Variants in CCT7 observed in about 807,000 individuals in gnomAD.
CCT7 encodes the protein chaperonin containing TCP1 subunit 7, also known as T-complex protein 1 subunit eta.
CCT7 carries 16 observed loss-of-function variants against 56.6 expected under a neutral mutation model. The ratio of observed to expected loss-of-function variants is 0.28; its 90% CI spans 0.19 to 0.43. The LOEUF (loss-of-function observed/expected upper bound fraction) is 0.43, where lower values mean the gene tolerates loss of function less well. Ranked by LOEUF, CCT7 falls within the 20% of genes least tolerant of loss-of-function variation. CCT7 has a pLI of 1.00. For synonymous variants in CCT7, 262 were observed against 254.8 expected (o/e 1.03, Z -0.27); for missense variants, 519 against 685.6 (o/e 0.76, Z 2.71).
At position 73,247,815 on chromosome 2, in the gene CCT7, G is replaced by A. The variant is rs1011407575; in HGVS notation, c.672G>A (p.Gly224=). 2 of 1,614,006 alleles carry A rather than the reference G, an allele frequency of 1.2e-6. No homozygotes were observed. The highest frequency in any genetic ancestry group is 1.7e-6 in the Non-Finnish European group (2 of 1,180,004). The change falls in exon 7 of 12, where the codon GGG becomes GGA. Residue 224 remains glycine, a synonymous_variant. Transcript: ENST00000258091. Reference sequence around the variant, plus strand: ...TCAAGAAGACTTTCTCTTACGCTGGGTTTGAAATGCAACCCAAAAAGTACC... The same window carrying A: ...TCAAGAAGACTTTCTCTTACGCTGGATTTGAAATGCAACCCAAAAAGTACC... ...VAFKKTFSYA[G]FEMQPKKYHN...
At position 73,240,771 on chromosome 2, in the gene CCT7, T is replaced by C. The variant is rs575143245; in HGVS notation, c.267+228T>C. ...GGTGAATGACAACAGTCTTTAGATA[T>C]AAGTCTACTGCCTGAGATCTTAACA... On this transcript the variant is annotated intron_variant, in intron 3 of 11. Coordinates refer to ENST00000258091, the MANE Select transcript of CCT7 (RefSeq NM_006429.4). 2.0e-4 allele frequency among the ~76,000 whole-genome samples: 30 copies of C among 152,350 alleles called. 1 individual carries two copies. The highest frequency in any genetic ancestry group is 1.5e-3 in the Admixed American group (23 of 15,308).
At chr2:73,234,488 C>G (rs1453702918) in intron 1 of CCT7, 104 bp downstream of exon 1, 4 of 1,339,134 alleles carry the variant, frequency 3.0e-6, no homozygotes, top group South Asian at 1.2e-5. Flanking sequence ...TGCTTGCCGC[C>G]TCTGTCCTCG....
chr2:73,237,932 C>T (rs982014325), intron 1 of CCT7, among the ~76,000 whole-genome samples: 1 of 151,966 alleles, frequency 6.6e-6, no homozygotes, highest in African/African-American at 2.4e-5. Flanking sequence ...TCATGCATTG[C>T]GGTCCAGCTA....
At chr2:73,247,566 T>C (rs998536191) in intron 6 of CCT7, among the ~76,000 whole-genome samples, 196 bp from the exon 7 acceptor site, 10 of 150,268 alleles carry the variant, frequency 6.7e-5, no homozygotes, top group African/African-American at 2.5e-4. Flanking sequence ...TGAAATAATA[T>C]GTTGTGTTAT....
chr2:73,235,042 G>A (rs1042950060), intron 1 of CCT7, among the ~76,000 whole-genome samples: 1 of 152,190 alleles, frequency 6.6e-6, no homozygotes, highest in Non-Finnish European at 1.5e-5. Context: ...AAAGGTAGAT[G>A]GAGACACTGT....
At chr2:73,237,990 C>G (rs1686951830) in intron 1 of CCT7, among the ~76,000 whole-genome samples, 2 of 152,070 alleles carry the variant, frequency 1.3e-5, no homozygotes, top group South Asian at 4.2e-4. Flanking sequence ...CCACTGCACT[C>G]CAGCATGGGT....
intron 11 of CCT7, 22 bp downstream of exon 11, chr2:73,251,454 G>GT: frequency 6.6e-7 from 1 of 1,524,522 alleles, no homozygotes; most frequent in Non-Finnish European, 9.0e-7. Flanking sequence ...CTCTCCCCAG[G>GT]GTTCAGGGTT....
intron 6 of CCT7, among the ~76,000 whole-genome samples, chr2:73,245,957 G>A (rs752743325): frequency 6.6e-6 from 1 of 152,092 alleles, no homozygotes; most frequent in African/African-American, 2.4e-5. Context: ...TTCCATAAAT[G>A]GTTGAGATTA....
At position 73,247,861 on chromosome 2, in the gene CCT7, T is replaced by C; in HGVS notation, c.718T>C (p.Leu240=). Reference sequence around the variant, plus strand: ...GTACCACAATCCCAAGATTGCCCTTTTGAATGTCGAGCTCGAGTTGAAAGC... The same window carrying C: ...GTACCACAATCCCAAGATTGCCCTTCTGAATGTCGAGCTCGAGTTGAAAGC... ...KKYHNPKIAL[L]NVELELKAEK... Residue 240 remains leucine (L), a synonymous_variant, in exon 7 of 12, where the codon TTG becomes CTG. Coordinates refer to ENST00000258091, the MANE Select transcript of CCT7 (RefSeq NM_006429.4). 6.2e-7 allele frequency: 1 copy of C among 1,614,168 alleles called. No homozygotes were observed. Among genetic ancestry groups the C allele is most frequent in the Non-Finnish European group, 8.5e-7 (1 of 1,180,020 alleles).
chr2:73,249,732 G>A (rs1174171660), intron 8 of CCT7, 87 bp from the exon 9 acceptor site: 7 of 864,336 alleles, frequency 8.1e-6, no homozygotes, highest in Non-Finnish European at 1.2e-5. Context: ...GGGGGCATGC[G>A]TGGGAATTGG....
chr2:73,239,554 A>G, intron 1 of CCT7, 89 bp from the exon 2 acceptor site: 1 of 1,201,066 alleles, frequency 8.3e-7, no homozygotes, highest in Non-Finnish European at 1.2e-6. Flanking sequence ...AATTCTGTTA[A>G]GGGAGAGATG....
In CCT7 at chr2:73,234,422, C is replaced by T. The variant is rs778919729; in HGVS notation, c.6+38C>T. ...TCGCGCATCCGTCGCCATCAGCTGC[C>T]ATCTGGCCGGTGGCCGGCGCCGCTC... On this transcript the variant is annotated intron_variant, in intron 1 of 11. Transcript: ENST00000258091. 8.1e-6 allele frequency: 13 copies of T among 1,612,072 alleles called. No individual in the cohort carries two copies. The East Asian group carries it at 2.5e-4, about 30-fold the overall frequency.
chr2:73,244,496 G>A (rs533469307), intron 5 of CCT7, 48 bp from the exon 6 acceptor site: 179 of 1,524,372 alleles, frequency 1.2e-4, no homozygotes, highest in Non-Finnish European at 1.6e-4. Context: ...TCAGATAAGA[G>A]GGATTTGGTT....
At chr2:73,248,415 A>G (rs1458139973) in intron 7 of CCT7, among the ~76,000 whole-genome samples, 1 of 151,618 alleles carries the variant, frequency 6.6e-6, no homozygotes, top group Non-Finnish European at 1.5e-5. Flanking sequence ...CAGTGGTGCA[A>G]TCTCGGCTCA....
chr2:73,249,766 C>A, intron 8 of CCT7, 53 bp from the exon 9 acceptor site: 2 of 1,262,122 alleles, frequency 1.6e-6, no homozygotes, highest in Non-Finnish European at 2.3e-6. Context: ...TGGCAGGAAG[C>A]TGCCTGGCCT....
At chr2:73,243,267 C>A (rs760858771) in intron 4 of CCT7, 138 bp downstream of exon 4, 25 of 858,720 alleles carry the variant, frequency 2.9e-5, no homozygotes, top group Non-Finnish European at 4.4e-5. Flanking sequence ...CCTTAGTAAT[C>A]TCAGTTCTAC....
intron 6 of CCT7, among the ~76,000 whole-genome samples, chr2:73,245,562 T>C (rs1687299729): frequency 6.6e-6 from 1 of 152,240 alleles, no homozygotes; most frequent in African/African-American, 2.4e-5. Context: ...GCACAACTCC[T>C]TCTTTTTAAC....
At position 73,251,450 on chromosome 2, in the gene CCT7, CCA is replaced by C; in HGVS notation, c.1410+19_1410+20del. ...ATGCCCAGGTGGGTCCTTTCTCTCC[CCA>C]GGGTTCAGGGTTTGGGCGGGTGGGG... On this transcript the variant is annotated intron_variant, in intron 11 of 11. Coordinates refer to ENST00000258091, the MANE Select transcript of CCT7 (RefSeq NM_006429.4). The C allele has an allele frequency of 1.3e-6, 2 of 1,593,944 alleles. No individual in the cohort carries two copies. The highest frequency in any genetic ancestry group is 1.7e-6 in the Non-Finnish European group (2 of 1,164,352).
At chr2:73,238,178 C>CT (rs974482306) in intron 1 of CCT7, among the ~76,000 whole-genome samples, 25 of 152,302 alleles carry the variant, frequency 1.6e-4, no homozygotes, top group African/African-American at 2.6e-4. Flanking sequence ...AAGTGATCCT[C>CT]TTTTTTCTAC....
Sources: allele counts gnomAD v4.1 joint callset (sites outside exome capture counted in the v4.1 genomes callset), GRCh38; gene constraint gnomAD v4.1.1; transcripts MANE v1.5; gene names NCBI Gene and HGNC (gene_info 2026-07-23, HGNC 2026-07-21).